The following LPP variants were observed in gnomAD, a reference collection of about 807,000 sequenced individuals.
LPP encodes LIM domain containing preferred translocation partner in lipoma, also known as lipoma-preferred partner.
Under a neutral mutation model 60.4 loss-of-function variants are expected in LPP, and 38 were observed. That is an observed-to-expected ratio of 0.63 (90% confidence interval 0.49 to 0.83). The LOEUF is 0.83. Ranked by LOEUF, LPP falls within the 40% of genes least tolerant of loss-of-function variation. LPP has a pLI of 0.00. For missense variants in LPP, 902 were observed against 783.6 expected, an observed-to-expected ratio of 1.15 and a Z score of -1.80; for synonymous variants, 328 against 290.8, an observed-to-expected ratio of 1.13 and a Z score of -1.30.
In LPP at chr3:188,447,562, A is replaced by T. The variant is rs147925771; in HGVS notation, c.194-37030A>T. 2.8e-3 allele frequency among the ~76,000 whole-genome samples: 425 copies of T among 151,030 alleles called. 2 individuals are homozygous for T. Among genetic ancestry groups the T allele is most frequent in the African/African-American group, 9.2e-3 (377 of 40,932 alleles). ...GAGGCAGAGGTTGCAGTGAGCAGAGATTACACCATAGCAGTCCAGCCTGGG... is the reference window on the plus strand; with the variant it reads ...GAGGCAGAGGTTGCAGTGAGCAGAGTTTACACCATAGCAGTCCAGCCTGGG... On this transcript the variant is annotated intron_variant, in intron 4 of 11. Coordinates refer to ENST00000617246, the MANE Select transcript of LPP (RefSeq NM_001375462.1).
chr3:188,194,996 C>T (rs1161313700), intron 1 of LPP, among the ~76,000 whole-genome samples: 1 of 152,126 alleles, frequency 6.6e-6, no homozygotes, highest in Non-Finnish European at 1.5e-5. Flanking sequence ...CGGTGGCTCA[C>T]GCCTGTAATC....
intron 2 of LPP, among the ~76,000 whole-genome samples, chr3:188,283,462 T>G (rs1742814541): frequency 6.6e-6 from 1 of 152,220 alleles, no homozygotes; most frequent in East Asian, 1.9e-4. Context: ...CATGATGTGC[T>G]TGATAAATCC....
At chr3:188,489,425 G>A (rs879682401) in intron 5 of LPP, among the ~76,000 whole-genome samples, 8 of 152,200 alleles carry the variant, frequency 5.3e-5, no homozygotes, top group Non-Finnish European at 1.2e-4. Flanking sequence ...GGCTGGGTGG[G>A]ACCTTAATTT....
chr3:188,727,042 ACAGGT>A (rs1471915496), intron 8 of LPP, among the ~76,000 whole-genome samples: 2 of 152,176 alleles, frequency 1.3e-5, no homozygotes, highest in African/African-American at 4.8e-5. Flanking sequence ...TCAAGGACAC[ACAGGT>A]AGGTCTACAA....
chr3:188,177,518 G>A (rs1044275902), intron 1 of LPP, among the ~76,000 whole-genome samples: 3 of 152,168 alleles, frequency 2.0e-5, no homozygotes, highest in Admixed American at 2.0e-4. Context: ...GATCAGAAAA[G>A]TACTGGATGT....
chr3:188,244,170 G>A (rs761357169), intron 2 of LPP, among the ~76,000 whole-genome samples: 9 of 152,180 alleles, frequency 5.9e-5, no homozygotes, highest in Admixed American at 2.6e-4. Flanking sequence ...TGCGCCCAGC[G>A]CACATACAAT....
intron 7 of LPP, among the ~76,000 whole-genome samples, chr3:188,694,248 A>G (rs1862723829): frequency 6.6e-6 from 1 of 152,134 alleles, no homozygotes; most frequent in Non-Finnish European, 1.5e-5. Flanking sequence ...ATATAGTATT[A>G]TTTACCTGTT....
intron 5 of LPP, among the ~76,000 whole-genome samples, chr3:188,506,407 C>T (rs990253607): frequency 6.6e-6 from 1 of 152,186 alleles, no homozygotes; most frequent in Non-Finnish European, 1.5e-5. Context: ...TTGATTTTTT[C>T]TGCCACTTAA....
Position 188,610,942 on chromosome 3 carries a change from T to C in LPP, c.1113+1098T>C, listed in dbSNP as rs1843580236. 6.6e-6 allele frequency among the ~76,000 whole-genome samples: 1 copy of C among 152,200 alleles called. No individual in the cohort carries two copies. Among genetic ancestry groups the C allele is most frequent in the African/African-American group, 2.4e-5 (1 of 41,446 alleles). On this transcript the variant is annotated intron_variant, in intron 7 of 11. Coordinates refer to ENST00000617246, the MANE Select transcript of LPP (RefSeq NM_001375462.1). The surrounding 1 kb of genome is among the most constrained non-coding windows in gnomAD (Gnocchi z 4.4). ...TCAATGGTAGTTTTGGGGGATGGAT[T>C]GGGTAGAAGTTTGGACTGTATTTTT... is the stretch of plus-strand genomic sequence containing the variant.
At chr3:188,716,244 G>A (rs1007369825) in intron 8 of LPP, among the ~76,000 whole-genome samples, 1 of 152,208 alleles carries the variant, frequency 6.6e-6, no homozygotes, top group African/African-American at 2.4e-5. Flanking sequence ...GAAGGCATGA[G>A]GCAGCAGGGA....
chr3:188,373,649 C>G (rs576394791), intron 3 of LPP, among the ~76,000 whole-genome samples: 1 of 151,934 alleles, frequency 6.6e-6, no homozygotes, highest in African/African-American at 2.4e-5. Flanking sequence ...TTCTCCCATT[C>G]TGTAGGTTGC....
chr3:188,165,760 G>A (rs1167962786), intron 1 of LPP, among the ~76,000 whole-genome samples: 1 of 152,138 alleles, frequency 6.6e-6, no homozygotes, highest in Non-Finnish European at 1.5e-5. Flanking sequence ...TGAGGCAGTC[G>A]ATATGAGAGA....
intron 3 of LPP, among the ~76,000 whole-genome samples, chr3:188,379,519 A>G (rs557135948): frequency 6.6e-6 from 1 of 152,332 alleles, no homozygotes; most frequent in South Asian, 2.1e-4. Flanking sequence ...ACAAACAAAC[A>G]AAACCAAAAC....
intron 8 of LPP, among the ~76,000 whole-genome samples, chr3:188,714,881 T>C (rs954846755): frequency 2.6e-5 from 4 of 152,108 alleles, no homozygotes; most frequent in Non-Finnish European, 5.9e-5. Context: ...CTCTAAACAC[T>C]ACCCTGTAGA....
chr3:188,609,972 G>A lies in LPP; in HGVS notation c.1113+128G>A. ...ATTTCACTGACAAATACAATCCCAG[G>A]GAAGGATGAGTGAAGCCAGAGAGGA... On this transcript the variant is annotated intron_variant, in intron 7 of 11. Coordinates refer to ENST00000617246, the MANE Select transcript of LPP (RefSeq NM_001375462.1). The surrounding 1 kb of genome is among the most constrained non-coding windows in gnomAD (Gnocchi z 6.9). 2.2e-6 allele frequency: 2 copies of A among 895,186 alleles called. No individual in the cohort carries two copies. The highest frequency in any genetic ancestry group is 5.7e-5 in the Admixed American group (2 of 35,356). The allele number at this position is 895,186 out of a possible 1,614,324, so 55.5% of individuals were successfully genotyped here.
intron 3 of LPP, among the ~76,000 whole-genome samples, chr3:188,353,924 T>A (rs1352516045): frequency 6.6e-6 from 1 of 152,080 alleles, no homozygotes. Flanking sequence ...CTGCCCTAAA[T>A]GAATTGACTA....
chr3:188,668,843 CTTTT>C (rs987751435), intron 7 of LPP, among the ~76,000 whole-genome samples: 5 of 152,188 alleles, frequency 3.3e-5, no homozygotes, highest in Non-Finnish European at 5.9e-5. Flanking sequence ...CGCTTCTCAG[CTTTT>C]TGGCTAAGAT....
intron 7 of LPP, among the ~76,000 whole-genome samples, chr3:188,669,921 C>G (rs2149242651): frequency 6.6e-6 from 1 of 152,192 alleles, no homozygotes; most frequent in East Asian, 1.9e-4. Flanking sequence ...TACTAAGCAG[C>G]CATAAAAAAG....
At chr3:188,277,959 A>G (rs562686554) in intron 2 of LPP, among the ~76,000 whole-genome samples, 2 of 152,202 alleles carry the variant, frequency 1.3e-5, no homozygotes, top group South Asian at 4.1e-4. Flanking sequence ...AGGAAAAATC[A>G]TTTATTCTCC....
Sources: allele counts gnomAD v4.1 joint callset (sites outside exome capture counted in the v4.1 genomes callset), GRCh38; gene constraint gnomAD v4.1.1; non-coding constraint Gnocchi (gnomAD v3.1); transcripts MANE v1.5; gene names NCBI Gene and HGNC (gene_info 2026-07-23, HGNC 2026-07-21).